TYW1: variants seen among roughly 807,000 people sequenced by gnomAD.
The protein encoded by TYW1 is tRNA-yW synthesizing protein 1 homolog.
TYW1 carries 46 observed loss-of-function variants against 96.2 expected under a neutral mutation model. The observed-to-expected ratio is 0.48, with a 90% CI of 0.38 to 0.61. The LOEUF (loss-of-function observed/expected upper bound fraction) is 0.61. Among genes scored for constraint, TYW1 ranks in the 20% least tolerant of loss-of-function variants. The pLI is 0.00. For missense variants in TYW1, 684 were observed against 909.6 expected (o/e 0.75, Z 3.19); for synonymous variants, 274 against 323.0 (o/e 0.85, Z 1.63).
intron 7 of TYW1, among the ~76,000 whole-genome samples, chr7:67,040,674 A>G (rs918733126): frequency 7.9e-5 from 12 of 151,958 alleles, no homozygotes; most frequent in South Asian, 2.1e-4. Flanking sequence ...ACGAAACCCT[A>G]TCTCTACGAA....
chr7:67,050,585 A>G (rs528205111), intron 8 of TYW1, among the ~76,000 whole-genome samples: 7 of 152,254 alleles, frequency 4.6e-5, no homozygotes, highest in African/African-American at 1.4e-4. Context: ...CGTTCTGGCA[A>G]TGCAGAGAAA....
rs538638277 is a variant in TYW1, at chr7:67,171,648, C to CT, written c.1699-11477dup. On this transcript the variant is annotated intron_variant, in intron 13 of 15. Transcript: ENST00000359626. ...TGTCAATTGTTACTTCATATTGATGCTATATTGTTAGGTACTAGTATATTG... is the reference window on the plus strand; with the variant it reads ...TGTCAATTGTTACTTCATATTGATGCTTATATTGTTAGGTACTAGTATATTG... Among the ~76,000 whole-genome samples, 17 of 152,124 alleles carry CT rather than the reference C, an allele frequency of 1.1e-4. No homozygotes were observed. The South Asian group carries it at 3.1e-3, about 28-fold the overall frequency.
chr7:67,148,673 C>T (rs1029972482), intron 13 of TYW1, among the ~76,000 whole-genome samples: 4 of 151,998 alleles, frequency 2.6e-5, no homozygotes, highest in African/African-American at 4.8e-5. Context: ...CCTCGTTATC[C>T]GCCCACCTTG....
intron 5 of TYW1, among the ~76,000 whole-genome samples, chr7:67,017,007 CAG>C (rs1478251278): frequency 8.4e-6 from 1 of 119,660 alleles, no homozygotes; most frequent in African/African-American, 3.2e-5. Flanking sequence ...TTTTTTGAGA[CAG>C]AGTCACTCTC....
At chr7:67,059,252 A>G (rs894849536) in intron 9 of TYW1, among the ~76,000 whole-genome samples, 9 of 151,542 alleles carry the variant, frequency 5.9e-5, no homozygotes, top group Non-Finnish European at 1.2e-4. Flanking sequence ...GGCGCCCGCC[A>G]CCACTCCCGG....
intron 13 of TYW1, among the ~76,000 whole-genome samples, chr7:67,134,945 CAAAAAAAAAAAAAA>C (rs55746054): frequency 4.5e-5 from 3 of 66,342 alleles, no homozygotes; most frequent in Non-Finnish European, 8.4e-5. Flanking sequence ...CTTTCTCTAC[CAAAAAAAAAAAAAA>C]AAAAAAAAAA....
intron 13 of TYW1, among the ~76,000 whole-genome samples, chr7:67,154,764 A>G (rs1798913474): frequency 6.6e-6 from 1 of 152,074 alleles, no homozygotes; most frequent in Non-Finnish European, 1.5e-5. Flanking sequence ...ATTTTATTAA[A>G]TAGGTTTTTT....
intron 15 of TYW1, among the ~76,000 whole-genome samples, chr7:67,230,116 C>T (rs1428169902): frequency 8.1e-5 from 12 of 147,464 alleles, no homozygotes; most frequent in Admixed American, 2.7e-4. Flanking sequence ...TCTTGGCCCT[C>T]TACTTCCTTA....
chr7:67,061,850 A>G (rs1362418733), intron 9 of TYW1, among the ~76,000 whole-genome samples: 4 of 152,218 alleles, frequency 2.6e-5, no homozygotes. Flanking sequence ...ATGCGAGAAA[A>G]ATGTCTTAAA....
intron 15 of TYW1, 44 bp from the exon 16 acceptor site, chr7:67,238,264 A>G (rs767213761): frequency 2.3e-5 from 36 of 1,553,454 alleles, no homozygotes; most frequent in Admixed American, 1.8e-4. Flanking sequence ...TTTTTTTTCT[A>G]GGGATGTTTT....
At chr7:67,167,600 G>A (rs1799380719) in intron 13 of TYW1, among the ~76,000 whole-genome samples, 1 of 151,530 alleles carries the variant, frequency 6.6e-6, no homozygotes, top group South Asian at 2.1e-4. Context: ...ATTAAAATGG[G>A]GATTTTTTTT....
chr7:67,237,797 T>C (rs1801940666), intron 15 of TYW1, among the ~76,000 whole-genome samples: 3 of 152,182 alleles, frequency 2.0e-5, no homozygotes, highest in African/African-American at 7.2e-5. Context: ...TAATGAGATA[T>C]TGTATCCACG....
chr7:67,207,127 T>A (rs1304353432), intron 15 of TYW1, among the ~76,000 whole-genome samples: 1 of 152,226 alleles, frequency 6.6e-6, no homozygotes, highest in Admixed American at 6.5e-5. Flanking sequence ...CCTTTGAGAC[T>A]ACTTCTGTCA....
intron 4 of TYW1, among the ~76,000 whole-genome samples, chr7:67,011,873 CAAA>C (rs570299951): frequency 2.8e-4 from 26 of 91,710 alleles, no homozygotes; most frequent in Non-Finnish European, 4.0e-4. Context: ...ATCTCCGTCT[CAAA>C]AAAAAAAAAA....
intron 3 of TYW1, 45 bp from the exon 4 acceptor site, chr7:67,009,538 T>A (rs1405453498): frequency 6.4e-7 from 1 of 1,556,416 alleles, no homozygotes; most frequent in Non-Finnish European, 8.8e-7. Flanking sequence ...GGGTTATATT[T>A]GGCTCATTGA....
intron 3 of TYW1, among the ~76,000 whole-genome samples, chr7:67,001,759 G>A (rs1454990676): frequency 3.3e-5 from 5 of 151,606 alleles, no homozygotes; most frequent in South Asian, 2.1e-4. Context: ...TTGGCCTGGC[G>A]TGGTGGCTCA....
At chr7:67,206,263 T>C (rs551935266) in intron 15 of TYW1, among the ~76,000 whole-genome samples, 1 of 152,344 alleles carries the variant, frequency 6.6e-6, no homozygotes, top group Admixed American at 6.5e-5. Context: ...CATCTTTTCC[T>C]AATCCTAATC....
At chr7:67,207,717 CTTTT>C (rs749961615) in intron 15 of TYW1, among the ~76,000 whole-genome samples, 2 of 103,460 alleles carry the variant, frequency 1.9e-5, no homozygotes, top group African/African-American at 3.5e-5. Context: ...TTTTGTTTGC[CTTTT>C]TTTTTTTTTT....
At chr7:67,001,842 C>T (rs980057228) in intron 3 of TYW1, among the ~76,000 whole-genome samples, 5 of 151,672 alleles carry the variant, frequency 3.3e-5, no homozygotes, top group Admixed American at 1.3e-4. Context: ...AGACCAGCCT[C>T]GGCAACAAAG....
Sources: gnomAD v4.1 joint callset for allele counts (sites outside exome capture counted in the v4.1 genomes callset) on GRCh38, gnomAD v4.1.1 for gene constraint, MANE v1.5 for transcripts, NCBI Gene and HGNC (gene_info 2026-07-23, HGNC 2026-07-21) for gene names.